The following KCNIP1 variants were observed in gnomAD, a reference collection of about 807,000 sequenced individuals.
The protein encoded by KCNIP1 is A-type potassium channel modulatory protein KCNIP1.
In KCNIP1, 18 loss-of-function variants were observed where a neutral mutation model predicts 33.0. The observed-to-expected ratio is 0.55, with a 90% CI of 0.38 to 0.81. The LOEUF (loss-of-function observed/expected upper bound fraction) is 0.81. Ranked by LOEUF, KCNIP1 falls within the 30% of genes least tolerant of loss-of-function variation. The pLI is 0.00. For missense variants in KCNIP1, 238 were observed against 271.6 expected (o/e 0.88, Z 0.87); for synonymous variants, 93 against 98.3 (o/e 0.95, Z 0.32).
At chr5:170,514,453 A>G (rs1755054001) in intron 1 of KCNIP1, among the ~76,000 whole-genome samples, 1 of 152,150 alleles carries the variant, frequency 6.6e-6, no homozygotes, top group South Asian at 2.1e-4. Context: ...CTTTGCATAC[A>G]TCCAGCCCTG....
At chr5:170,429,580 T>C (rs775709982) in intron 1 of KCNIP1, among the ~76,000 whole-genome samples, 1 of 152,128 alleles carries the variant, frequency 6.6e-6, no homozygotes, top group Non-Finnish European at 1.5e-5. Flanking sequence ...ACGTATATTG[T>C]ACCCATCAAC....
At chr5:170,602,433 C>A (rs539378918) in intron 1 of KCNIP1, among the ~76,000 whole-genome samples, 14 of 152,372 alleles carry the variant, frequency 9.2e-5, no homozygotes, top group African/African-American at 3.1e-4. Flanking sequence ...GGCTGCTGGT[C>A]TGGGGCAGGT....
intron 1 of KCNIP1, among the ~76,000 whole-genome samples, chr5:170,435,754 G>A (rs572985185): frequency 1.3e-5 from 2 of 152,314 alleles, no homozygotes; most frequent in East Asian, 3.9e-4. Context: ...AGCCCAGCAA[G>A]GTGCTCAGGA....
rs1052479198 is a variant in KCNIP1, at chr5:170,618,613, A to C, written c.62-100145A>C. On this transcript the variant is annotated intron_variant, in intron 1 of 7. Transcript: ENST00000328939. ...CCCCTTTGCCATCTGATTGGCATGA[A>C]GGGCAATGTAACTGAGGAGTCTGGG... 2.0e-5 allele frequency among the ~76,000 whole-genome samples: 3 copies of C among 150,532 alleles called. No homozygotes were observed. In the East Asian group the frequency reaches 5.9e-4, roughly 30 times the overall value.
intron 1 of KCNIP1, among the ~76,000 whole-genome samples, chr5:170,559,861 A>T (rs1453396899): frequency 6.6e-6 from 1 of 152,230 alleles, no homozygotes; most frequent in Non-Finnish European, 1.5e-5. Context: ...CAGGCTCCTC[A>T]GCCTGAACCT....
At chr5:170,364,954 A>G (rs1763617059) in intron 1 of KCNIP1, among the ~76,000 whole-genome samples, 1 of 152,172 alleles carries the variant, frequency 6.6e-6, no homozygotes, top group Admixed American at 6.5e-5. Flanking sequence ...CTTATGAACT[A>G]CAGTCTCCTT....
chr5:170,598,904 CGTGTGT>C (rs70979192), intron 1 of KCNIP1, among the ~76,000 whole-genome samples: 3,420 of 133,840 alleles, frequency 0.026, 50 homozygotes, highest in Middle Eastern at 0.041. Flanking sequence ...TGTGTGTGCG[CGTGTGT>C]GTGTGTGTGT....
At chr5:170,561,154 C>T (rs749318605) in intron 1 of KCNIP1, 5 of 455,068 alleles carry the variant, frequency 1.1e-5, no homozygotes, top group South Asian at 7.8e-5. Flanking sequence ...TGTTTATGCT[C>T]CTTCGAGGGC....
At chr5:170,563,798 A>C (rs1757117866) in intron 1 of KCNIP1, among the ~76,000 whole-genome samples, 1 of 152,054 alleles carries the variant, frequency 6.6e-6, no homozygotes, top group South Asian at 2.1e-4. Flanking sequence ...GTGCCCCCAC[A>C]CCTGGCTAAT....
chr5:170,637,249 C>A (rs1347313256), intron 1 of KCNIP1, among the ~76,000 whole-genome samples: 1 of 152,128 alleles, frequency 6.6e-6, no homozygotes, highest in Non-Finnish European at 1.5e-5. Context: ...TCTACCCACC[C>A]CTGCTCCCCC....
intron 1 of KCNIP1, among the ~76,000 whole-genome samples, chr5:170,606,515 T>C (rs1191142098): frequency 6.6e-6 from 1 of 152,140 alleles, no homozygotes; most frequent in African/African-American, 2.4e-5. Context: ...ATAGCCTTTG[T>C]GATCAATCAG....
intron 1 of KCNIP1, among the ~76,000 whole-genome samples, chr5:170,691,324 C>T (rs1399765810): frequency 6.6e-6 from 1 of 152,182 alleles, no homozygotes; most frequent in Non-Finnish European, 1.5e-5. Flanking sequence ...GATCACTGAG[C>T]CTCTGGTATC....
intron 1 of KCNIP1, among the ~76,000 whole-genome samples, chr5:170,566,560 A>AC (rs1757211636): frequency 2.6e-5 from 4 of 152,286 alleles, no homozygotes; most frequent in Admixed American, 2.6e-4. Context: ...TCCCCCACAC[A>AC]CCATGCCACC....
At chr5:170,412,894 A>T (rs1253492033) in intron 1 of KCNIP1, among the ~76,000 whole-genome samples, 1 of 151,792 alleles carries the variant, frequency 6.6e-6, no homozygotes, top group Non-Finnish European at 1.5e-5. Flanking sequence ...CCTCATTTAC[A>T]CCACACACCT....
At chr5:170,380,216 GT>G (rs1184792769) in intron 1 of KCNIP1, among the ~76,000 whole-genome samples, 2 of 152,222 alleles carry the variant, frequency 1.3e-5, no homozygotes, top group African/African-American at 2.4e-5. Flanking sequence ...ATAAAGCGGA[GT>G]TTTATCTGGT....
intron 1 of KCNIP1, among the ~76,000 whole-genome samples, chr5:170,629,711 C>T (rs1759980713): frequency 6.6e-6 from 1 of 152,202 alleles, no homozygotes. Context: ...CCACCTTCAC[C>T]TCCACAACCC....
chr5:170,513,906 A>T (rs147439546), intron 1 of KCNIP1, among the ~76,000 whole-genome samples: 10 of 152,280 alleles, frequency 6.6e-5, no homozygotes, highest in Non-Finnish European at 1.2e-4. Context: ...CAAAAAAGTA[A>T]TCTTTTTATT....
At position 170,452,716 on chromosome 5, in the gene KCNIP1, G is replaced by C. The variant is rs149252837; in HGVS notation, c.88+98752G>C. 3.2e-4 allele frequency among the ~76,000 whole-genome samples: 48 copies of C among 152,260 alleles called. No homozygotes were observed. The East Asian group carries it at 8.9e-3, about 28-fold the overall frequency. ...CTCCCTCTGCCTTTATCCTGACAAA[G>C]AAGCGAACTGTTACTCTCTGTCAGT... is the stretch of plus-strand genomic sequence containing the variant. On this transcript the variant is annotated intron_variant, in intron 1 of 7. Transcript: ENST00000377360.
At chr5:170,613,764 A>C (rs1365661470) in intron 1 of KCNIP1, among the ~76,000 whole-genome samples, 2 of 152,244 alleles carry the variant, frequency 1.3e-5, no homozygotes, top group Non-Finnish European at 2.9e-5. Flanking sequence ...AGTGTCAGAA[A>C]AAAAGGTCAT....
Sources: gnomAD v4.1 joint callset for allele counts (sites outside exome capture counted in the v4.1 genomes callset) on GRCh38, gnomAD v4.1.1 for gene constraint, MANE v1.5 for transcripts, NCBI Gene and HGNC (gene_info 2026-07-23, HGNC 2026-07-21) for gene names.